The following ARFGEF1 variants were observed in gnomAD, a reference collection of about 807,000 sequenced individuals.
The protein encoded by ARFGEF1 is ARF guanine nucleotide exchange factor 1.
ARFGEF1 carries 42 observed loss-of-function variants against 231.0 expected under a neutral mutation model. The observed-to-expected ratio is 0.18, with a 90% CI of 0.14 to 0.24. The LOEUF is 0.24. ARFGEF1 is among the 10% of genes least tolerant of loss of function. ARFGEF1 has a pLI of 1.00. For synonymous variants in ARFGEF1, 710 were observed against 732.3 expected, an observed-to-expected ratio of 0.97 and a Z score of 0.49; for missense variants, 1,345 against 2,192.0, an observed-to-expected ratio of 0.61 and a Z score of 7.72.
At chr8:67,212,797 A>G (rs916037435) in intron 33 of ARFGEF1, among the ~76,000 whole-genome samples, 1 of 152,244 alleles carries the variant, frequency 6.6e-6, no homozygotes, top group Non-Finnish European at 1.5e-5. Context: ...TCTCAGAATT[A>G]AAAATGTATT....
At chr8:67,321,293 G>A (rs532334081) in intron 1 of ARFGEF1, among the ~76,000 whole-genome samples, 5 of 152,178 alleles carry the variant, frequency 3.3e-5, no homozygotes, top group South Asian at 2.1e-4. Flanking sequence ...GTATGTTAAC[G>A]TAAAAAACAA....
Position 67,271,945 on chromosome 8 carries a change from T to TA in ARFGEF1, c.1338-10dup, listed in dbSNP as rs1805113382. 1 of 1,571,058 alleles carries TA rather than the reference T, an allele frequency of 6.4e-7. No homozygotes were observed. Among genetic ancestry groups the TA allele is most frequent in the Non-Finnish European group, 8.7e-7 (1 of 1,151,210 alleles). ...ATCGTAGTTCATGAGACCTAAAATG[T>TA]AAAAAAGAAGGCATAGTATATGAAC... On this transcript the variant is annotated splice_polypyrimidine_tract_variant and intron_variant, in intron 9 of 38. Coordinates refer to ENST00000262215, the MANE Select transcript of ARFGEF1 (RefSeq NM_006421.5).
At chr8:67,176,887 T>G (rs1374117893) in intron 5 of ARFGEF1, among the ~76,000 whole-genome samples, 1 of 151,792 alleles carries the variant, frequency 6.6e-6, no homozygotes, top group Non-Finnish European at 1.5e-5. Flanking sequence ...CTGGCCAACA[T>G]AGTGAAACCC....
chr8:67,318,041 T>C (rs540277709), intron 1 of ARFGEF1, among the ~76,000 whole-genome samples: 52 of 151,092 alleles, frequency 3.4e-4, no homozygotes, highest in Non-Finnish European at 2.8e-4. Flanking sequence ...ATCGAGACCA[T>C]CCTGGCTAAC....
intron 1 of ARFGEF1, among the ~76,000 whole-genome samples, chr8:67,314,605 A>T (rs1177544750): frequency 6.6e-6 from 1 of 151,854 alleles, no homozygotes; most frequent in Non-Finnish European, 1.5e-5. Flanking sequence ...CAGTTGGGGC[A>T]CTCACAGTAT....
chr8:67,246,408 T>G (rs1259890661), intron 19 of ARFGEF1, among the ~76,000 whole-genome samples: 1 of 150,486 alleles, frequency 6.6e-6, no homozygotes, highest in African/African-American at 2.5e-5. Context: ...ATCTGAAGCC[T>G]CTTTCTGGTA....
exon 6 of ARFGEF1, chr8:67,175,572 T>C (rs1033841418): frequency 4.0e-6 from 4 of 989,760 alleles, no homozygotes; most frequent in Non-Finnish European, 6.3e-6. Context: ...GTCCGTTTGG[T>C]CTGTAGTACC....
intron 23 of ARFGEF1, among the ~76,000 whole-genome samples, chr8:67,232,504 C>T (rs1023647380): frequency 6.6e-5 from 10 of 151,750 alleles, no homozygotes; most frequent in African/African-American, 2.4e-4. Flanking sequence ...TATTGTGGAC[C>T]CAGAAAAATA....
chr8:67,343,345 G>A lies in ARFGEF1; in HGVS notation c.-58C>T, dbSNP rs1808748989. ...CCCGCGGCTCCCAGCGGCTGGAGGGGAGGAGGAGGAGAGGAAGGAAGAGAA... is the reference window on the plus strand; with the variant it reads ...CCCGCGGCTCCCAGCGGCTGGAGGGAAGGAGGAGGAGAGGAAGGAAGAGAA... On this transcript the variant is annotated 5_prime_UTR_variant, in exon 1 of 39. Coordinates refer to ENST00000262215, the MANE Select transcript of ARFGEF1 (RefSeq NM_006421.5). The A allele has an allele frequency of 2.5e-6, 4 of 1,581,872 alleles. No individual in the cohort carries two copies. Among genetic ancestry groups the A allele is most frequent in the East Asian group, 4.6e-5 (2 of 43,516 alleles).
chr8:67,330,902 A>C (rs1177363916), intron 1 of ARFGEF1, among the ~76,000 whole-genome samples: 1 of 152,222 alleles, frequency 6.6e-6, no homozygotes, highest in Admixed American at 6.5e-5. Context: ...TGGATGAAAC[A>C]AAATAATCAA....
chr8:67,176,306 A>G (rs1014181675), intron 5 of ARFGEF1, among the ~76,000 whole-genome samples: 3 of 152,068 alleles, frequency 2.0e-5, no homozygotes, highest in Non-Finnish European at 4.4e-5. Context: ...AAAAGTTAAG[A>G]CCCTATCTTG....
chr8:67,299,367 A>G lies in ARFGEF1; in HGVS notation c.313-12T>C. ...TAAGCAATAAGTTTCTAAAATGGAG[A>G]AAGAAAACAAAGATCCTAAGTAAGG... On this transcript the variant is annotated splice_polypyrimidine_tract_variant and intron_variant, in intron 3 of 38. Transcript: ENST00000262215. 1 of 1,597,826 alleles carries G rather than the reference A, an allele frequency of 6.3e-7. No homozygotes were observed. The highest frequency in any genetic ancestry group is 8.5e-7 in the Non-Finnish European group (1 of 1,175,254).
At chr8:67,263,880 G>T (rs1354152328) in intron 14 of ARFGEF1, among the ~76,000 whole-genome samples, 4 of 152,136 alleles carry the variant, frequency 2.6e-5, no homozygotes, top group African/African-American at 4.8e-5. Flanking sequence ...CCTGGGAAAG[G>T]TGACTCTGGA....
At chr8:67,219,405 T>C (rs1164871287) in intron 30 of ARFGEF1, 26 bp downstream of exon 30, 2 of 1,598,926 alleles carry the variant, frequency 1.3e-6, no homozygotes, top group East Asian at 2.2e-5. Context: ...TTGACTAAGC[T>C]AAATGAAAAT....
intron 19 of ARFGEF1, among the ~76,000 whole-genome samples, chr8:67,241,076 A>G (rs578057597): frequency 6.6e-6 from 1 of 152,346 alleles, no homozygotes; most frequent in Middle Eastern, 3.4e-3. Flanking sequence ...TGTTTCTATC[A>G]GTGCGCTATA....
chr8:67,229,357 A>G (rs538685095), intron 23 of ARFGEF1, among the ~76,000 whole-genome samples: 2 of 151,980 alleles, frequency 1.3e-5, no homozygotes, highest in Non-Finnish European at 2.9e-5. Context: ...CTTTTTTCCT[A>G]CTATCACAAT....
chr8:67,300,295 T>C (rs981708469), intron 3 of ARFGEF1, among the ~76,000 whole-genome samples: 12 of 152,202 alleles, frequency 7.9e-5, no homozygotes, highest in African/African-American at 2.9e-4. Context: ...TACTGAATTA[T>C]AGTTGAATAC....
Position 67,219,556 on chromosome 8 carries a change from A to C in ARFGEF1, c.4213T>G (p.Leu1405Val). ...TTCATTATTTCAAACATTACTGTTA[A>C]ACCCCTAAAATGACAAAACACAATT... ...RCKLDVRTRG[L>V]TVMFEIMKTY... Residue 1405 changes from leucine to valine, a missense_variant, in exon 30 of 39, where the codon TTA becomes GTA. Physicochemically the swap from Leu to Val is conservative, Grantham distance 32 (BLOSUM62 1). Coordinates refer to ENST00000262215, the MANE Select transcript of ARFGEF1 (RefSeq NM_006421.5). 1 of 1,592,808 alleles carries C rather than the reference A, an allele frequency of 6.3e-7. No individual in the cohort carries two copies. Among genetic ancestry groups the C allele is most frequent in the Non-Finnish European group, 8.5e-7 (1 of 1,170,174 alleles).
At chr8:67,299,002 T>C (rs914135855) in intron 4 of ARFGEF1, among the ~76,000 whole-genome samples, 1 of 152,122 alleles carries the variant, frequency 6.6e-6, no homozygotes, top group African/African-American at 2.4e-5. Flanking sequence ...CAGGCTGCTC[T>C]CAAACTCCTG....
Sources: gnomAD v4.1 joint callset for allele counts (sites outside exome capture counted in the v4.1 genomes callset) on GRCh38, gnomAD v4.1.1 for gene constraint, MANE v1.5 for transcripts, NCBI Gene and HGNC (gene_info 2026-07-23, HGNC 2026-07-21) for gene names.